The following LYST variants were observed in gnomAD, a reference collection of about 807,000 sequenced individuals.
LYST encodes the protein lysosomal-trafficking regulator.
In LYST, 192 loss-of-function variants were observed where a neutral mutation model predicts 413.6. The ratio of observed to expected loss-of-function variants is 0.46; its 90% CI spans 0.41 to 0.52. The LOEUF is 0.52. Ranked by LOEUF, LYST falls within the 20% of genes least tolerant of loss-of-function variation. The pLI is 0.00. For synonymous variants in LYST, 1,525 were observed against 1,567.3 expected, an observed-to-expected ratio of 0.97 and a Z score of 0.64; for missense variants, 3,815 against 4,499.9, an observed-to-expected ratio of 0.85 and a Z score of 4.35.
chr1:235,822,202 T>C (rs1307378456), intron 3 of LYST, among the ~76,000 whole-genome samples: 2 of 152,184 alleles, frequency 1.3e-5, no homozygotes, highest in Non-Finnish European at 2.9e-5. Flanking sequence ...CTGTATATTA[T>C]GGGCTAATTG....
intron 43 of LYST, among the ~76,000 whole-genome samples, chr1:235,709,904 A>G (rs1318913468): frequency 2.0e-5 from 3 of 150,718 alleles, no homozygotes; most frequent in Non-Finnish European, 4.4e-5. Flanking sequence ...AAATTATCCC[A>G]ACACAGGAAA....
Position 235,802,961 on chromosome 1 carries a change from C to T in LYST, c.3659G>A (p.Gly1220Asp). The T allele has an allele frequency of 6.2e-7, 1 of 1,613,504 alleles. No individual in the cohort carries two copies. Among genetic ancestry groups the T allele is most frequent in the Admixed American group, 1.7e-5 (1 of 60,010 alleles). Residue 1220 changes from glycine to aspartate, a missense_variant, in exon 8 of 53, where the codon GGT becomes GAT. Transcript: ENST00000389793. ...ATTGCTTTCACTATCTGCTTCGTAA[C>T]CTTCTTCTTCAACTAAAAGTTTAAA... The part of the protein sequence containing the change: ...CSFKLLVEEE[G>D]YEADSESNPE...
At chr1:235,756,658 C>G (rs945115421) in intron 24 of LYST, among the ~76,000 whole-genome samples, 1 of 152,120 alleles carries the variant, frequency 6.6e-6, no homozygotes, top group African/African-American at 2.4e-5. Flanking sequence ...AGCATTTACT[C>G]ATTCAATAAT....
At position 235,804,520 on chromosome 1, in the gene LYST, T is replaced by G. The variant is rs779671129; in HGVS notation, c.3539A>C (p.Asp1180Ala). ...GNYSADFEHN[D>A]AMTEKSHQSA... Reference sequence around the variant, plus strand: ...TATTCATACCTTCTCAGTCATAGCATCATTATGTTCAAAATCTGCTGAATA... The same window carrying G: ...TATTCATACCTTCTCAGTCATAGCAGCATTATGTTCAAAATCTGCTGAATA... Residue 1180 changes from aspartate (D) to alanine (A), a missense_variant, in exon 7 of 53, where the codon GAT becomes GCT. Around this residue, in one of 4 missense-constraint regions of LYST, gnomAD observed 1,648 missense variants for 1,810.3 expected, o/e 0.91. Transcript: ENST00000389793. 3.1e-6 allele frequency: 5 copies of G among 1,613,576 alleles called. No homozygotes were observed. The African/African-American group carries it at 5.3e-5, about 17-fold the overall frequency.
chr1:235,720,601 A>C (rs923492897), intron 40 of LYST, 60 bp downstream of exon 40: 1 of 1,558,138 alleles, frequency 6.4e-7, no homozygotes, highest in Admixed American at 1.7e-5. Flanking sequence ...TGAAAACTTT[A>C]ATAAAGAAAT....
intron 1 of LYST, among the ~76,000 whole-genome samples, chr1:235,860,768 C>T (rs1275969167): frequency 6.6e-6 from 1 of 152,032 alleles, no homozygotes; most frequent in Non-Finnish European, 1.5e-5. Context: ...CCCATGAAAC[C>T]ATCATCAAAT....
At chr1:235,798,987 G>A (rs1172084120) in intron 10 of LYST, among the ~76,000 whole-genome samples, 1 of 152,148 alleles carries the variant, frequency 6.6e-6, no homozygotes, top group African/African-American at 2.4e-5. Context: ...TTAAATAGGT[G>A]AATGTTATGG....
chr1:235,821,008 T>A (rs1171298731), intron 3 of LYST, among the ~76,000 whole-genome samples: 2 of 152,228 alleles, frequency 1.3e-5, no homozygotes, highest in Non-Finnish European at 2.9e-5. Flanking sequence ...AAAATAGTAT[T>A]TTTATTTCTC....
chr1:235,786,563 G>C (rs183799328), intron 14 of LYST, among the ~76,000 whole-genome samples: 2 of 152,098 alleles, frequency 1.3e-5, no homozygotes, highest in Non-Finnish European at 2.9e-5. Flanking sequence ...ATACCCAAAG[G>C]ATTATGAATC....
chr1:235,676,207 T>C (rs543057369), intron 50 of LYST, among the ~76,000 whole-genome samples: 3 of 152,246 alleles, frequency 2.0e-5, no homozygotes, highest in Non-Finnish European at 2.9e-5. Flanking sequence ...TACTATTCTA[T>C]ACTATTGCTC....
At chr1:235,728,202 G>A in intron 37 of LYST, 71 bp from the exon 38 acceptor site, 7 of 1,055,458 alleles carry the variant, frequency 6.6e-6, no homozygotes, top group Non-Finnish European at 8.9e-6. Context: ...TTAATGCATG[G>A]TCTCTGGAGT....
chr1:235,777,753 A>G (rs1440098566), intron 16 of LYST, among the ~76,000 whole-genome samples: 1 of 152,106 alleles, frequency 6.6e-6, no homozygotes, highest in Non-Finnish European at 1.5e-5. Flanking sequence ...ACTCTAAACT[A>G]GATCTTTCTA....
At chr1:235,706,625 A>G (rs1662010748) in intron 44 of LYST, among the ~76,000 whole-genome samples, 1 of 152,184 alleles carries the variant, frequency 6.6e-6, no homozygotes, top group African/African-American at 2.4e-5. Context: ...CAGAGGCTCC[A>G]GCAAGTGAAC....
intron 11 of LYST, among the ~76,000 whole-genome samples, chr1:235,792,594 C>T (rs867783828): frequency 6.7e-6 from 1 of 149,794 alleles, no homozygotes; most frequent in Non-Finnish European, 1.5e-5. Flanking sequence ...GGATTACAGG[C>T]GTGAGTCACC....
chr1:235,749,850 A>C (rs2103299255), intron 28 of LYST, among the ~76,000 whole-genome samples: 1 of 152,330 alleles, frequency 6.6e-6, no homozygotes, highest in South Asian at 2.1e-4. Context: ...TAGTATCTAA[A>C]GAGAGAGACT....
rs1330535888 is a variant in LYST, at chr1:235,751,172, T to C, written c.7780+38A>G. 2.5e-6 allele frequency: 4 copies of C among 1,595,662 alleles called. No homozygotes were observed. The Admixed American group carries it at 6.7e-5, about 27-fold the overall frequency. On this transcript the variant is annotated intron_variant, in intron 28 of 52. Coordinates refer to ENST00000389793, the MANE Select transcript of LYST (RefSeq NM_000081.4). Reference sequence around the variant, plus strand: ...AGAACATAGGAAAGTCAAGCTAGCCTCAATTTATGGTTATTAAAATATGAT... The same window carrying C: ...AGAACATAGGAAAGTCAAGCTAGCCCCAATTTATGGTTATTAAAATATGAT...
intron 50 of LYST, among the ~76,000 whole-genome samples, chr1:235,668,924 C>T (rs1658709115): frequency 6.6e-6 from 1 of 152,190 alleles, no homozygotes; most frequent in South Asian, 2.1e-4. Flanking sequence ...CATTATTTTA[C>T]AACTGGGGGC....
intron 40 of LYST, among the ~76,000 whole-genome samples, chr1:235,718,902 C>A (rs567389090): frequency 1.6e-4 from 24 of 152,234 alleles, no homozygotes; most frequent in African/African-American, 5.8e-4. Flanking sequence ...ATCACTATGA[C>A]CTTACGTTTC....
chr1:235,777,933 T>C (rs1005992531), intron 16 of LYST, among the ~76,000 whole-genome samples: 4 of 151,758 alleles, frequency 2.6e-5, no homozygotes, highest in Admixed American at 2.0e-4. Flanking sequence ...GAATGCATGT[T>C]TTTCTTAGAG....
Sources: allele counts gnomAD v4.1 joint callset (sites outside exome capture counted in the v4.1 genomes callset), GRCh38; gene constraint gnomAD v4.1.1; regional missense constraint gnomAD v4.1.1; transcripts MANE v1.5; gene names NCBI Gene and HGNC (gene_info 2026-07-23, HGNC 2026-07-21).